Variants in CUBN observed in about 807,000 individuals in gnomAD.
CUBN encodes cubilin.
Under a neutral mutation model 405.3 loss-of-function variants are expected in CUBN, and 282 were observed. The ratio of observed to expected loss-of-function variants is 0.70; its 90% CI spans 0.63 to 0.77. The LOEUF is 0.77. CUBN is among the 30% of genes least tolerant of loss of function. CUBN has a pLI of 0.00. For synonymous variants in CUBN, 1,684 were observed against 1,617.0 expected (o/e 1.04, Z -0.99); for missense variants, 4,514 against 4,475.2 (o/e 1.01, Z -0.25).
chr10:16,928,532 C>CCCTTTTT (rs1403918589), intron 40 of CUBN, among the ~76,000 whole-genome samples: 14 of 107,120 alleles, frequency 1.3e-4, no homozygotes, highest in Admixed American at 2.1e-4. Flanking sequence ...CCACCCCCCC[C>CCCTTTTT]TTTTTTTTTT....
chr10:17,069,091 C>G (rs1197355389), intron 19 of CUBN, among the ~76,000 whole-genome samples: 2 of 152,116 alleles, frequency 1.3e-5, no homozygotes, highest in Non-Finnish European at 2.9e-5. Context: ...ATAACATTTT[C>G]AAAGTTCATC....
At chr10:17,015,703 T>C (rs2131773524) in intron 28 of CUBN, among the ~76,000 whole-genome samples, 1 of 152,314 alleles carries the variant, frequency 6.6e-6, no homozygotes, top group Non-Finnish European at 1.5e-5. Flanking sequence ...TGGGGACTTC[T>C]TGCCCAGAGA....
intron 48 of CUBN, 123 bp from the exon 49 acceptor site, chr10:16,907,802 C>T: frequency 2.1e-6 from 2 of 969,798 alleles, no homozygotes; most frequent in South Asian, 1.4e-5. Flanking sequence ...AATGAATGAC[C>T]TAACAATGCA....
chr10:16,997,949 T>G (rs1034702473), intron 28 of CUBN, among the ~76,000 whole-genome samples: 1 of 152,076 alleles, frequency 6.6e-6, no homozygotes, highest in African/African-American at 2.4e-5. Flanking sequence ...TCTGAGGGAT[T>G]TAGTCAGATA....
intron 31 of CUBN, among the ~76,000 whole-genome samples, chr10:16,964,798 C>A (rs141577721): frequency 6.6e-6 from 1 of 152,174 alleles, no homozygotes; most frequent in African/African-American, 2.4e-5. Flanking sequence ...GTTTAATGGA[C>A]GTGGCTTCTG....
At position 16,851,319 on chromosome 10, in the gene CUBN, T is replaced by C; in HGVS notation, c.9579A>G (p.Val3193=). The change falls in exon 60 of 67, where the codon GTA becomes GTG. Residue 3193 remains valine (V), a synonymous_variant. Coordinates refer to ENST00000377833, the MANE Select transcript of CUBN (RefSeq NM_001081.4). ...LNCVWIIIAP[V]NKVIHLTFNT... is the part of the protein sequence containing the mutation. ...TGAAGGTGAGGTGAATTACTTTGTT[T>C]ACAGGTGCAATTATGATCCATACAC... The C allele has an allele frequency of 6.2e-7, 1 of 1,614,194 alleles. No homozygotes were observed. Among genetic ancestry groups the C allele is most frequent in the Non-Finnish European group, 8.5e-7 (1 of 1,180,018 alleles).
intron 10 of CUBN, among the ~76,000 whole-genome samples, chr10:17,107,856 TA>T (rs980236265): frequency 2.0e-5 from 3 of 152,144 alleles, no homozygotes; most frequent in African/African-American, 7.2e-5. Flanking sequence ...ACTTCAATAT[TA>T]AAAAACACAA....
chr10:17,093,868 G>A (rs994715), intron 14 of CUBN, among the ~76,000 whole-genome samples: 133,022 of 152,106 alleles, frequency 0.87, 58,305 homozygotes, highest in Middle Eastern at 0.95. Context: ...ATAACCAAAT[G>A]GAATCAAAGC....
At chr10:16,892,106 T>C (rs965807732) in intron 54 of CUBN, among the ~76,000 whole-genome samples, 2 of 152,204 alleles carry the variant, frequency 1.3e-5, no homozygotes, top group Non-Finnish European at 1.5e-5. Context: ...AATCAGTCCA[T>C]AGCAAGAGAT....
At chr10:17,075,444 C>A (rs1032667741) in intron 17 of CUBN, among the ~76,000 whole-genome samples, 2 of 152,034 alleles carry the variant, frequency 1.3e-5, no homozygotes, top group African/African-American at 4.8e-5. Flanking sequence ...GCGACAGTTA[C>A]TCTCATCCAT....
rs542686917 is a variant in CUBN, at chr10:16,960,439, TG to T, written c.4696-5892del. Among the ~76,000 whole-genome samples, 199 of 152,090 alleles carry T rather than the reference TG, an allele frequency of 1.3e-3. 1 individual carries two copies. Among genetic ancestry groups the T allele is most frequent in the African/African-American group, 4.3e-3 (178 of 41,498 alleles). ...CCCAGGAGGCAGAGGCTACAATGAG[TG>T]GAGATGGTGCCACTGTACTCCAGCC... On this transcript the variant is annotated intron_variant, in intron 31 of 66. Transcript: ENST00000377833.
At chr10:16,843,977 C>T (rs1452912662) in intron 60 of CUBN, among the ~76,000 whole-genome samples, 1 of 152,076 alleles carries the variant, frequency 6.6e-6, no homozygotes, top group Non-Finnish European at 1.5e-5. Context: ...TAAGTAGAGA[C>T]CTTCCAGACC....
intron 6 of CUBN, among the ~76,000 whole-genome samples, chr10:17,121,289 A>C (rs1837033636): frequency 6.6e-6 from 1 of 152,196 alleles, no homozygotes; most frequent in South Asian, 2.1e-4. Flanking sequence ...GTATCAAATA[A>C]AAAGAGAAGG....
At chr10:16,903,880 C>G in intron 51 of CUBN, 86 bp downstream of exon 51, 1 of 985,388 alleles carries the variant, frequency 1.0e-6, no homozygotes. Context: ...AGAAATAAAT[C>G]TAACAAAATA....
At chr10:16,829,928 G>GTT (rs140936674) in intron 65 of CUBN, among the ~76,000 whole-genome samples, 5,338 of 145,282 alleles carry the variant, frequency 0.037, 142 homozygotes, top group Non-Finnish European at 0.053. Context: ...TTCATGGTGG[G>GTT]TTTTTTTTGT....
intron 53 of CUBN, among the ~76,000 whole-genome samples, chr10:16,899,990 C>G (rs1040819675): frequency 6.6e-6 from 1 of 152,172 alleles, no homozygotes; most frequent in African/African-American, 2.4e-5. Flanking sequence ...AGAATTTTCA[C>G]AATGTTTATA....
intron 54 of CUBN, among the ~76,000 whole-genome samples, chr10:16,895,348 CA>C (rs1564408820): frequency 7.1e-6 from 1 of 140,634 alleles, no homozygotes; most frequent in African/African-American, 3.2e-5. Flanking sequence ...TACACACACA[CA>C]CACACACACA....
At chr10:17,075,146 C>T (rs564461676) in intron 17 of CUBN, among the ~76,000 whole-genome samples, 119 of 136,530 alleles carry the variant, frequency 8.7e-4, no homozygotes, top group African/African-American at 3.2e-3. Flanking sequence ...TGCAGTGGCA[C>T]GATCTCGGAT....
intron 28 of CUBN, among the ~76,000 whole-genome samples, chr10:17,018,437 G>A (rs542148011): frequency 5.3e-5 from 8 of 152,218 alleles, no homozygotes; most frequent in Non-Finnish European, 7.4e-5. Context: ...GTTCAGATGC[G>A]TCCACAGTTT....
Sources: allele counts gnomAD v4.1 joint callset (sites outside exome capture counted in the v4.1 genomes callset), GRCh38; gene constraint gnomAD v4.1.1; transcripts MANE v1.5; gene names NCBI Gene and HGNC (gene_info 2026-07-23, HGNC 2026-07-21).